The following COL25A1 variants were observed in gnomAD, a reference collection of about 807,000 sequenced individuals.
COL25A1 encodes collagen type XXV alpha 1 chain.
COL25A1 carries 103 observed loss-of-function variants against 128.4 expected under a neutral mutation model. The observed-to-expected ratio is 0.80, with a 90% CI of 0.68 to 0.94. The LOEUF (loss-of-function observed/expected upper bound fraction) is 0.94. Among genes scored for constraint, COL25A1 ranks in the 40% least tolerant of loss-of-function variants. The probability of loss-of-function intolerance (pLI) is 0.00; values close to 1 mark genes in which losing one functional copy is unlikely to be tolerated. For missense variants in COL25A1, 745 were observed against 840.0 expected, an observed-to-expected ratio of 0.89 and a Z score of 1.40; for synonymous variants, 279 against 277.2, an observed-to-expected ratio of 1.01 and a Z score of -0.06.
At chr4:109,192,426 C>T (rs1483416859) in intron 3 of COL25A1, among the ~76,000 whole-genome samples, 1 of 152,232 alleles carries the variant, frequency 6.6e-6, no homozygotes, top group African/African-American at 2.4e-5. Context: ...CCCTCCCCAA[C>T]TCGTATGTTG....
chr4:109,256,496 T>G (rs143343435), intron 3 of COL25A1, among the ~76,000 whole-genome samples: 32 of 152,306 alleles, frequency 2.1e-4, no homozygotes, highest in African/African-American at 6.7e-4. Flanking sequence ...AAGGGTTTTT[T>G]AATTTATTTT....
At chr4:108,901,310 A>G in intron 13 of COL25A1, 138 bp from the exon 14 acceptor site, 4 of 661,738 alleles carry the variant, frequency 6.0e-6, no homozygotes, top group Non-Finnish European at 1.0e-5. Context: ...AATTCAAGTT[A>G]GCTTCCATGG....
chr4:109,013,365 A>AAAAATGGACCAGTCAGCCCTCTGT (rs1756855218), intron 5 of COL25A1, among the ~76,000 whole-genome samples: 1 of 148,206 alleles, frequency 6.7e-6, no homozygotes. Context: ...GCACCCTGTC[A>AAAAATGGACCAGTCAGCCCTCTGT]AAAATGGACC....
chr4:109,213,927 T>C (rs1162145945), intron 3 of COL25A1, among the ~76,000 whole-genome samples: 5 of 152,116 alleles, frequency 3.3e-5, no homozygotes, highest in Non-Finnish European at 7.4e-5. Context: ...ATCACGTAGA[T>C]AGTAAAAATA....
rs1218558381 is a variant in COL25A1, at chr4:108,974,392, C to G, written c.467G>C (p.Gly156Ala). 9 of 1,613,864 alleles carry G rather than the reference C, an allele frequency of 5.6e-6. No homozygotes were observed. In the South Asian group the frequency reaches 9.9e-5, roughly 18 times the overall value. ...CCTAGGTCCCTGATCACCTTGTTCT[C>G]CCTGTAGAATAGAAAGGTGAGATAA... ...QGPPGPKGDK[G>A]EQGDQGPRMV... The change falls in exon 8 of 38, where the codon GGA becomes GCA. Residue 156 changes from glycine (G) to alanine (A), a missense_variant and splice_region_variant. Transcript: ENST00000399132.
intron 3 of COL25A1, among the ~76,000 whole-genome samples, chr4:109,078,479 A>G (rs1273352768): frequency 1.3e-5 from 2 of 152,222 alleles, no homozygotes; most frequent in African/African-American, 4.8e-5. Flanking sequence ...ACTGTCATGC[A>G]GGCTTTTCTC....
At chr4:109,260,961 G>A (rs2126255086) in intron 3 of COL25A1, among the ~76,000 whole-genome samples, 1 of 152,206 alleles carries the variant, frequency 6.6e-6, no homozygotes, top group South Asian at 2.1e-4. Context: ...GTAATCTATA[G>A]ATTACAAGAA....
rs57154078 is a variant in COL25A1 at position 109,091,516 on chromosome 4, T to C, written c.368-41337A>G. 1.7e-3 allele frequency among the ~76,000 whole-genome samples: 266 copies of C among 152,038 alleles called. 2 individuals carry two copies. Among genetic ancestry groups the C allele is most frequent in the African/African-American group, 6.2e-3 (259 of 41,524 alleles). ...GTTATTTTCATCCAAATCGTCTCTGTGTGTGTGTGTGTCTGTCTATCTAGC... is the reference window on the plus strand; with the variant it reads ...GTTATTTTCATCCAAATCGTCTCTGCGTGTGTGTGTGTCTGTCTATCTAGC... On this transcript the variant is annotated intron_variant, in intron 3 of 37. Coordinates refer to ENST00000399132, the MANE Select transcript of COL25A1 (RefSeq NM_198721.4).
intron 3 of COL25A1, among the ~76,000 whole-genome samples, chr4:109,188,670 T>C (rs1775343499): frequency 6.6e-6 from 1 of 152,160 alleles, no homozygotes; most frequent in Non-Finnish European, 1.5e-5. Flanking sequence ...ATCTATCTCT[T>C]ATCTCAAGAT....
intron 27 of COL25A1, 45 bp from the exon 28 acceptor site, chr4:108,846,264 C>A: frequency 8.6e-7 from 1 of 1,156,752 alleles, no homozygotes; most frequent in Non-Finnish European, 1.3e-6. Flanking sequence ...CATAATGACC[C>A]CCGATAATTA....
chr4:108,916,185 GA>G (rs950424268), intron 13 of COL25A1, among the ~76,000 whole-genome samples: 2 of 152,186 alleles, frequency 1.3e-5, no homozygotes, highest in African/African-American at 4.8e-5. Flanking sequence ...TTCTCTGAAG[GA>G]GGGAAAACAA....
At chr4:109,218,357 G>GTTTTTTGTTTGTTTGTTTGTTTTTTTT (rs1778164499) in intron 3 of COL25A1, among the ~76,000 whole-genome samples, 9 of 73,520 alleles carry the variant, frequency 1.2e-4, no homozygotes, top group African/African-American at 3.9e-4. Context: ...GTTTTTTGGG[G>GTTTTTTGTTTGTTTGTTTGTTTTTTTT]TTTTTTTTTT....
In COL25A1 at chr4:108,852,296, GCA is replaced by G. The variant is rs1205261067; in HGVS notation, c.1345-18_1345-17del. On this transcript the variant is annotated splice_polypyrimidine_tract_variant and intron_variant, in intron 25 of 37. Coordinates refer to ENST00000399132, the MANE Select transcript of COL25A1 (RefSeq NM_198721.4). ...CAGGGGGACCCTAAATCAAGAAAAAGCACAGTTTTTAAAAGTAGTAATTATAT... is the reference window on the plus strand; with the variant it reads ...CAGGGGGACCCTAAATCAAGAAAAAGCAGTTTTTAAAAGTAGTAATTATAT... 1 of 1,587,860 alleles carries G rather than the reference GCA, an allele frequency of 6.3e-7. No homozygotes were observed. The highest frequency in any genetic ancestry group is 2.3e-5 in the East Asian group (1 of 44,214).
chr4:109,200,207 A>G (rs1776437606), intron 3 of COL25A1, among the ~76,000 whole-genome samples: 1 of 152,176 alleles, frequency 6.6e-6, no homozygotes, highest in South Asian at 2.1e-4. Flanking sequence ...TCACACAACA[A>G]TCAGATGTGC....
At chr4:109,223,765 G>T (rs1024140796) in intron 3 of COL25A1, among the ~76,000 whole-genome samples, 1 of 152,044 alleles carries the variant, frequency 6.6e-6, no homozygotes, top group Admixed American at 6.6e-5. Context: ...AAAACATCTT[G>T]CATCTAATAG....
intron 6 of COL25A1, among the ~76,000 whole-genome samples, chr4:108,985,504 T>C (rs1418832905): frequency 6.6e-6 from 1 of 152,208 alleles, no homozygotes; most frequent in Non-Finnish European, 1.5e-5. Flanking sequence ...AGACGTCATA[T>C]TTTTACGGTC....
chr4:108,923,089 G>T (rs555024469), intron 11 of COL25A1, among the ~76,000 whole-genome samples: 1 of 152,228 alleles, frequency 6.6e-6, no homozygotes, highest in East Asian at 1.9e-4. Flanking sequence ...TACTGAGCAA[G>T]ATTTTACTTA....
At chr4:109,016,073 C>T (rs949753480) in intron 5 of COL25A1, among the ~76,000 whole-genome samples, 4 of 152,172 alleles carry the variant, frequency 2.6e-5, no homozygotes, top group African/African-American at 9.6e-5. Context: ...AGTCATGGCT[C>T]CAGACCCAGG....
intron 3 of COL25A1, among the ~76,000 whole-genome samples, chr4:109,188,428 A>G (rs915807269): frequency 1.3e-5 from 2 of 152,082 alleles, no homozygotes; most frequent in Admixed American, 6.6e-5. Flanking sequence ...TTTTTTCATG[A>G]TTTCATATTC....
Sources: allele counts gnomAD v4.1 joint callset (sites outside exome capture counted in the v4.1 genomes callset), GRCh38; gene constraint gnomAD v4.1.1; transcripts MANE v1.5; gene names NCBI Gene and HGNC (gene_info 2026-07-23, HGNC 2026-07-21).